The following SHROOM4 variants were observed in gnomAD, a reference collection of about 807,000 sequenced individuals.
SHROOM4 encodes shroom family member 4, also known as protein Shroom4.
SHROOM4 carries 17 observed loss-of-function variants against 80.3 expected under a neutral mutation model. That is an observed-to-expected ratio of 0.21 (90% CI 0.14 to 0.32). The LOEUF is 0.32. Among genes scored for constraint, SHROOM4 ranks in the 10% least tolerant of loss-of-function variants. The pLI is 1.00. For synonymous variants in SHROOM4, 400 were observed against 437.5 expected, an observed-to-expected ratio of 0.91 and a Z score of 1.07; for missense variants, 993 against 1,140.3, an observed-to-expected ratio of 0.87 and a Z score of 1.86.
rs938069845 is a variant in SHROOM4 at position 50,727,483 on chromosome X, G to A, written c.118-31546C>T. ...TCTCATCTTGAATTGTAATCCCCATGTGTCAAGGGAGGGACCTGGTGGGAG... is the reference window on the plus strand; with the variant it reads ...TCTCATCTTGAATTGTAATCCCCATATGTCAAGGGAGGGACCTGGTGGGAG... On this transcript the variant is annotated intron_variant, in intron 1 of 8. Coordinates refer to ENST00000376020, the MANE Select transcript of SHROOM4 (RefSeq NM_020717.5). Among the ~76,000 whole-genome samples the A allele has an allele frequency of 2.3e-4, 26 of 112,117 alleles. No homozygotes were observed. The Admixed American group carries it at 2.3e-3, about 10-fold the overall frequency.
chrX:50,653,999 G>C (rs1159986068), intron 2 of SHROOM4, among the ~76,000 whole-genome samples: 1 of 111,982 alleles, frequency 8.9e-6, no homozygotes, highest in Non-Finnish European at 1.9e-5. Context: ...TTTTAAAACA[G>C]ATTTTCAAGT....
At chrX:50,653,266 C>T (rs960298987) in intron 2 of SHROOM4, among the ~76,000 whole-genome samples, 2 of 110,779 alleles carry the variant, frequency 1.8e-5, no homozygotes, top group Non-Finnish European at 3.8e-5. Context: ...TGTAGTTCTC[C>T]TTGAGGTCCT....
At chrX:50,645,332 T>G (rs1352677902) in intron 2 of SHROOM4, among the ~76,000 whole-genome samples, 9 of 112,220 alleles carry the variant, frequency 8.0e-5, no homozygotes, top group African/African-American at 2.9e-4. Context: ...CCCTTGCTCT[T>G]CTGGTCGCCA....
chrX:50,792,662 T>C (rs1407697611), intron 1 of SHROOM4, among the ~76,000 whole-genome samples: 1 of 109,368 alleles, frequency 9.1e-6, no homozygotes, highest in Non-Finnish European at 1.9e-5. Context: ...AGGACTTGAG[T>C]AAACATTTCT....
At chrX:50,795,051 GATATATATATGAT>G (rs1185340437) in intron 1 of SHROOM4, among the ~76,000 whole-genome samples, 75 of 2,498 alleles carry the variant, frequency 0.03, 2 homozygotes, top group African/African-American at 0.032. Context: ...ATATATATAT[GATATATATATGAT>G]ATATATATAT....
Position 50,806,109 on chromosome X carries a change from C to T in SHROOM4, c.117+7793G>A, listed in dbSNP as rs782262207. On this transcript the variant is annotated intron_variant, in intron 1 of 8. Transcript: ENST00000376020. ...AAGGGGCAATGGCACTTGAATGAGA[C>T]GGTCCAAAATGTAGGCCTCAAGCAA... Among the ~76,000 whole-genome samples, 9 of 111,504 alleles carry T rather than the reference C, an allele frequency of 8.1e-5. No individual in the cohort carries two copies. In the South Asian group the frequency reaches 1.9e-3, roughly 24 times the overall value.
chrX:50,663,937 C>A (rs782528921), intron 2 of SHROOM4, among the ~76,000 whole-genome samples: 23 of 111,951 alleles, frequency 2.1e-4, no homozygotes, highest in African/African-American at 7.5e-4. Flanking sequence ...GCTCAGCACT[C>A]AAAAATATTT....
At chrX:50,713,469 A>T (rs925130846) in intron 1 of SHROOM4, among the ~76,000 whole-genome samples, 15 of 107,267 alleles carry the variant, frequency 1.4e-4, no homozygotes, top group South Asian at 4.2e-4. Context: ...TGTCTCTAAA[A>T]TTTTTTTTTT....
Position 50,598,294 on chromosome X carries a change from C to T in SHROOM4, c.4184G>A (p.Ser1395Asn). ...CTCCTGGTTGGCCTCTGAATCGATG[C>T]TGTTCAGAGCATTCTCCACCCGGGC... ...RLARVENALN[S>N]IDSEANQEKL... Residue 1395 changes from serine to asparagine, a missense_variant, in exon 8 of 9, where the codon AGC becomes AAC. Transcript: ENST00000376020. 2 of 1,211,691 alleles carry T rather than the reference C, an allele frequency of 1.7e-6. No individual in the cohort carries two copies. The highest frequency in any genetic ancestry group is 2.2e-6 in the Non-Finnish European group (2 of 895,560).
chrX:50,773,557 G>A (rs1365434680), intron 1 of SHROOM4, among the ~76,000 whole-genome samples: 2 of 112,260 alleles, frequency 1.8e-5, no homozygotes, highest in African/African-American at 3.2e-5. Flanking sequence ...GAGTTTCAAC[G>A]ATTCATGATT....
chrX:50,577,557 G>T, the SHROOM4 span, among the ~76,000 whole-genome samples: 10 of 112,217 alleles, frequency 8.9e-5, no homozygotes, highest in Admixed American at 3.8e-4. Context: ...GCTTCAATCT[G>T]CATAGCTGGG....
At chrX:50,768,220 C>G (rs1249247048) in intron 1 of SHROOM4, among the ~76,000 whole-genome samples, 1 of 111,692 alleles carries the variant, frequency 9.0e-6, no homozygotes, top group African/African-American at 3.3e-5. Context: ...CATATTAGAG[C>G]CTTTTTGTGA....
chrX:50,697,242 G>C, intron 1 of SHROOM4, among the ~76,000 whole-genome samples: 1 of 111,555 alleles, frequency 9.0e-6, no homozygotes, highest in South Asian at 3.8e-4. Flanking sequence ...CCAGGGAAAG[G>C]GAACGTAAGG....
At chrX:50,665,787 G>A (rs185305604) in intron 2 of SHROOM4, among the ~76,000 whole-genome samples, 20 of 111,420 alleles carry the variant, frequency 1.8e-4, no homozygotes, top group Admixed American at 4.8e-4. Flanking sequence ...TTCACCCACC[G>A]TATGTGCTGG....
intron 2 of SHROOM4, among the ~76,000 whole-genome samples, chrX:50,693,233 A>G (rs1192418756): frequency 9.0e-6 from 1 of 111,224 alleles, no homozygotes; most frequent in East Asian, 2.8e-4. Flanking sequence ...AAAAATGGAC[A>G]GGGATGTAGG....
intron 1 of SHROOM4, among the ~76,000 whole-genome samples, chrX:50,764,073 C>A (rs1557269115): frequency 8.9e-6 from 1 of 111,905 alleles, no homozygotes; most frequent in African/African-American, 3.2e-5. Flanking sequence ...ATTCTCTGTT[C>A]CAAATAAAGT....
Position 50,595,691 on chromosome X carries a change from T to C in SHROOM4, c.*1004A>G. The C allele has an allele frequency of 3.7e-6, 1 of 269,795 alleles. No individual in the cohort carries two copies. The highest frequency in any genetic ancestry group is 6.9e-6 in the Non-Finnish European group (1 of 145,835). The allele number at this position is 269,795 out of a possible 1,213,427, so 22.2% of individuals were successfully genotyped here. A position where few individuals can be genotyped will look rare whatever the true frequency, so the allele number is the denominator to read the frequency against. On this transcript the variant is annotated 3_prime_UTR_variant, in exon 9 of 9. Coordinates refer to ENST00000376020, the MANE Select transcript of SHROOM4 (RefSeq NM_020717.5). ...GGGAACAATTCAACGCCTTGGCACT[T>C]GCTTACCTAGCCACGGTGGATTCAG... is the stretch of plus-strand genomic sequence containing the variant.
At chrX:50,723,871 A>C (rs782251702) in intron 1 of SHROOM4, among the ~76,000 whole-genome samples, 3 of 110,058 alleles carry the variant, frequency 2.7e-5, no homozygotes, top group African/African-American at 6.6e-5. Context: ...TCTTTTATGC[A>C]CTCCTTTTTA....
At chrX:50,660,809 G>T (rs1932482978) in intron 2 of SHROOM4, among the ~76,000 whole-genome samples, 1 of 108,534 alleles carries the variant, frequency 9.2e-6, no homozygotes, top group Admixed American at 1.0e-4. Context: ...TCAAGACAGG[G>T]TCTCACTATG....
Sources: allele counts gnomAD v4.1 joint callset (sites outside exome capture counted in the v4.1 genomes callset), GRCh38; gene constraint gnomAD v4.1.1; transcripts MANE v1.5; gene names NCBI Gene and HGNC (gene_info 2026-07-23, HGNC 2026-07-21).